The following PTGS2 variants were observed in gnomAD, a reference collection of about 807,000 sequenced individuals.
PTGS2 encodes prostaglandin-endoperoxide synthase 2, also known as prostaglandin G/H synthase 2.
In PTGS2, 14 loss-of-function variants were observed where a neutral mutation model predicts 63.8. The observed-to-expected ratio is 0.22, with a 90% CI of 0.14 to 0.34. The LOEUF (loss-of-function observed/expected upper bound fraction) is 0.34, where lower values mean the gene tolerates loss of function less well. Ranked by LOEUF, PTGS2 falls within the 10% of genes least tolerant of loss-of-function variation. The pLI is 1.00. For missense variants in PTGS2, 533 were observed against 738.5 expected, an observed-to-expected ratio of 0.72 and a Z score of 3.23; for synonymous variants, 271 against 259.5, an observed-to-expected ratio of 1.04 and a Z score of -0.43.
Position 186,673,409 on chromosome 1 carries a change from G to GAAC in PTGS2, c.*941_*943dup, listed in dbSNP as rs1342214554. The stretch of plus-strand genomic sequence containing the variant: ...GCTTCAAAAGTTTAAACCTAAATTT[G>GAAC]AACAATAATTTGGTTTTCTTCTTTG... On this transcript the variant is annotated 3_prime_UTR_variant, in exon 10 of 10. Coordinates refer to ENST00000367468, the MANE Select transcript of PTGS2 (RefSeq NM_000963.4). 1 of 152,086 alleles carries GAAC rather than the reference G, an allele frequency of 6.6e-6. No homozygotes were observed. The highest frequency in any genetic ancestry group is 1.5e-5 in the Non-Finnish European group (1 of 67,992). 9.4% of individuals were successfully genotyped at this position (152,086 alleles called of 1,614,324 possible).
chr1:186,680,278 C>G lies in PTGS2; in HGVS notation c.13G>C (p.Ala5Pro), dbSNP rs779244806. MLAR[A>P]LLLCAVLALS... is the part of the protein sequence containing the mutation. The stretch of plus-strand genomic sequence containing the variant: ...GCCAGGACCGCGCACAGCAGCAGGG[C>G]GCGGGCGAGCATCGCAGCGGCGGGC... Residue 5 changes from alanine to proline, a missense_variant, in exon 1 of 10, where the codon GCC (alanine) becomes CCC (proline). Physicochemically the swap from Ala to Pro is conservative, Grantham distance 27. Around this residue, in one of 5 missense-constraint regions of PTGS2, gnomAD observed 118 missense variants for 144.6 expected, o/e 0.82. Coordinates refer to ENST00000367468, the MANE Select transcript of PTGS2 (RefSeq NM_000963.4). The G allele has an allele frequency of 1.3e-6, 2 of 1,544,338 alleles. No individual in the cohort carries two copies. The highest frequency in any genetic ancestry group is 1.7e-6 in the Non-Finnish European group (2 of 1,143,810).
chr1:186,680,187 C>T lies in PTGS2; in HGVS notation c.52+52G>A, dbSNP rs887774723. On this transcript the variant is annotated intron_variant, in intron 1 of 9. Transcript: ENST00000367468. ...GACCCAGGAGGTCAGAGCGGAAACTCTGCCCGGGTGCGTGGAACCGGAGTC... is the reference window on the plus strand; with the variant it reads ...GACCCAGGAGGTCAGAGCGGAAACTTTGCCCGGGTGCGTGGAACCGGAGTC... The T allele has an allele frequency of 2.1e-5, 32 of 1,549,726 alleles. No homozygotes were observed. In the African/African-American group the frequency reaches 3.3e-4, roughly 16 times the overall value.
At chr1:186,677,015 G>T in intron 5 of PTGS2, 99 bp from the exon 6 acceptor site, 15 of 896,974 alleles carry the variant, frequency 1.7e-5, no homozygotes, top group African/African-American at 8.6e-5. Flanking sequence ...TGATCATTTA[G>T]CTTTCTTTAA....
intron 8 of PTGS2, 177 bp from the exon 9 acceptor site, chr1:186,675,573 C>A (rs933894038): frequency 2.7e-6 from 2 of 749,332 alleles, no homozygotes; most frequent in South Asian, 4.0e-5. Context: ...TTCAATGGGA[C>A]ACCAGCCTAG....
chr1:186,676,851 A>G lies in PTGS2; in HGVS notation c.705T>C (p.Asp235=). The G allele has an allele frequency of 6.2e-7, 1 of 1,610,668 alleles. No individual in the cohort carries two copies. The highest frequency in any genetic ancestry group is 8.5e-7 in the Non-Finnish European group (1 of 1,178,784). The change falls in exon 6 of 10, where the codon GAT becomes GAC. Residue 235 remains aspartate, a synonymous_variant. Coordinates refer to ENST00000367468, the MANE Select transcript of PTGS2 (RefSeq NM_000963.4). ...AGCATACCTGATATTTCATTTTTCC[A>G]TCCTTGAAAAGGCGCAGTTTACGCT... is the stretch of plus-strand genomic sequence containing the variant. ...ARQRKLRLFK[D]GKMKYQIIDG...
intron 5 of PTGS2, among the ~76,000 whole-genome samples, chr1:186,677,420 ATG>A (rs1382266917): frequency 6.6e-6 from 1 of 151,814 alleles, no homozygotes; most frequent in African/African-American, 2.4e-5. Flanking sequence ...GTACATATGT[ATG>A]TGTGTGAATG....
At chr1:186,679,583 C>T in intron 1 of PTGS2, 145 bp from the exon 2 acceptor site, 1 of 641,362 alleles carries the variant, frequency 1.6e-6, no homozygotes, top group Non-Finnish European at 2.7e-6. Context: ...TTTAACCTGC[C>T]TTAGAATGGA....
intron 8 of PTGS2, 89 bp downstream of exon 8, chr1:186,675,809 T>C (rs563019508): frequency 3.1e-6 from 4 of 1,289,048 alleles, no homozygotes; most frequent in Admixed American, 2.7e-5. Flanking sequence ...AACTACTCTT[T>C]TAGTAAGTTT....
intron 7 of PTGS2, 74 bp downstream of exon 7, chr1:186,676,393 T>C: frequency 6.4e-7 from 1 of 1,556,612 alleles, no homozygotes; most frequent in South Asian, 1.2e-5. Context: ...TGTCATTTAC[T>C]CAAAACATAA....
rs1205314609 is a variant in PTGS2, at chr1:186,672,636, T to C, written c.*1717A>G. The C allele has an allele frequency of 6.6e-6, 1 of 152,484 alleles. No homozygotes were observed. The highest frequency in any genetic ancestry group is 1.5e-5 in the Non-Finnish European group (1 of 67,990). 9.4% of individuals were successfully genotyped at this position (152,484 alleles called of 1,614,324 possible). A position where few individuals can be genotyped will look rare whatever the true frequency, so the allele number is the denominator to read the frequency against. The stretch of plus-strand genomic sequence containing the variant: ...CAGTACCATTAAATGTCAGTGACAA[T>C]GAGATGTGGAAAAGAAGTATTATCG... On this transcript the variant is annotated 3_prime_UTR_variant, in exon 10 of 10. Transcript: ENST00000367468.
rs765841389 is a variant in PTGS2, at chr1:186,679,210, AGAC to A, written c.170-12_170-10del. ...TCTTGTCAAAAATTCCGCTGCAAGA[AGAC>A]GAAGAAAGGGAGGGAGAAATTAATG... On this transcript the variant is annotated splice_polypyrimidine_tract_variant and intron_variant, in intron 2 of 9. Coordinates refer to ENST00000367468, the MANE Select transcript of PTGS2 (RefSeq NM_000963.4). 1.3e-5 allele frequency: 21 copies of A among 1,613,212 alleles called. No homozygotes were observed. The highest frequency in any genetic ancestry group is 1.2e-4 in the Admixed American group (7 of 59,872).
At chr1:186,679,852 T>C (rs1665845725) in intron 1 of PTGS2, among the ~76,000 whole-genome samples, 1 of 152,224 alleles carries the variant, frequency 6.6e-6, no homozygotes, top group Non-Finnish European at 1.5e-5. Context: ...CGGGCTTTCC[T>C]GGGAGCAGGA....
chr1:186,675,178 A>C (rs1329068987), intron 9 of PTGS2, 71 bp downstream of exon 9: 88 of 1,587,174 alleles, frequency 5.5e-5, no homozygotes, highest in Non-Finnish European at 7.5e-5. Context: ...CTCCATCTCG[A>C]AAAGAAAACC....
intron 5 of PTGS2, 48 bp from the exon 6 acceptor site, chr1:186,676,964 T>G: frequency 1.5e-6 from 2 of 1,340,132 alleles, no homozygotes; most frequent in Middle Eastern, 2.6e-4. Context: ...GAAGTTTTTC[T>G]TATATAAAGT....
At chr1:186,678,917 T>A (rs1665827147) in intron 3 of PTGS2, 141 bp downstream of exon 3, 1 of 1,080,456 alleles carries the variant, frequency 9.3e-7, no homozygotes. Flanking sequence ...TTTTGGCGAT[T>A]AAGATGGAAG....
At chr1:186,680,124 A>G (rs950226819) in intron 1 of PTGS2, 115 bp downstream of exon 1, 1 of 1,452,182 alleles carries the variant, frequency 6.9e-7, no homozygotes, top group South Asian at 1.3e-5. Context: ...CAAGTCACGT[A>G]GCTTCTCTAT....
rs1247457527 is a variant in PTGS2, at chr1:186,677,767, A to C, written c.521T>G (p.Ile174Ser). The C allele has an allele frequency of 1.2e-6, 2 of 1,613,776 alleles. No homozygotes were observed. Among genetic ancestry groups the C allele is most frequent in the Non-Finnish European group, 8.5e-7 (1 of 1,179,942 alleles). Residue 174 changes from isoleucine to serine, a missense_variant, in exon 5 of 10, where the codon ATC becomes AGC. Physicochemically the swap from Ile to Ser is moderately radical, Grantham distance 142. Coordinates refer to ENST00000367468, the MANE Select transcript of PTGS2 (RefSeq NM_000963.4). The part of the protein sequence containing the change: ...VEKLLLRRKF[I>S]PDPQGSNMMF... ...CATGTTTGAGCCCTGGGGATCAGGG[A>C]TGAACTTTCTTCTTAGAAGCAATTT...
At chr1:186,675,466 TAGGTACAAATC>T in intron 8 of PTGS2, 70 bp from the exon 9 acceptor site, 1 of 1,550,170 alleles carries the variant, frequency 6.5e-7, no homozygotes, top group Non-Finnish European at 8.7e-7. Flanking sequence ...CAGCTTGCCT[TAGGTACAAATC>T]AGGTAAAACT....
rs1665702735 is a variant in PTGS2, at chr1:186,672,295, A to G, written c.*2058T>C. ...TCCACAGATCCCTCAAAACATTTTA[A>G]AAGGTCAGTCTTATGGCACATTCAG... On this transcript the variant is annotated 3_prime_UTR_variant, in exon 10 of 10. Coordinates refer to ENST00000367468, the MANE Select transcript of PTGS2 (RefSeq NM_000963.4). The G allele has an allele frequency of 6.6e-6, 1 of 152,158 alleles. No individual in the cohort carries two copies. Among genetic ancestry groups the G allele is most frequent in the Non-Finnish European group, 1.5e-5 (1 of 67,980 alleles). 9.4% of individuals were successfully genotyped at this position (152,158 alleles called of 1,614,324 possible).
Sources: allele counts gnomAD v4.1 joint callset (sites outside exome capture counted in the v4.1 genomes callset), GRCh38; gene constraint gnomAD v4.1.1; regional missense constraint gnomAD v4.1.1; transcripts MANE v1.5; gene names NCBI Gene and HGNC (gene_info 2026-07-23, HGNC 2026-07-21).